AGAP3: variants seen among roughly 807,000 people sequenced by gnomAD.
The protein encoded by AGAP3 is ArfGAP with GTPase domain, ankyrin repeat and PH domain 3.
A neutral mutation model predicts 96.9 loss-of-function variants in AGAP3; 24 were observed. The ratio of observed to expected loss-of-function variants is 0.25; its 90% CI spans 0.18 to 0.35. The LOEUF (loss-of-function observed/expected upper bound fraction) is 0.35, where lower values mean the gene tolerates loss of function less well. AGAP3 is among the 10% of genes least tolerant of loss of function. AGAP3 has a pLI of 1.00. For missense variants in AGAP3, 876 were observed against 1,254.2 expected (o/e 0.70, Z 4.55); for synonymous variants, 563 against 536.1 (o/e 1.05, Z -0.69).
At chr7:151,116,935 G>C in intron 2 of AGAP3, 84 bp downstream of exon 2, 1 of 1,575,440 alleles carries the variant, frequency 6.3e-7, no homozygotes, top group Non-Finnish European at 8.7e-7. Flanking sequence ...TTGCTTCTCC[G>C]GCTTCTGTCC....
At chr7:151,094,592 T>C (rs4725988) in intron 1 of AGAP3, among the ~76,000 whole-genome samples, 125,899 of 152,260 alleles carry the variant, frequency 0.83, 52,707 homozygotes, top group East Asian at 0.98. Flanking sequence ...TAGTGAGAGT[T>C]GATATTAAAA....
intron 5 of AGAP3, 88 bp downstream of exon 5, chr7:151,117,865 C>A (rs1177265009): frequency 4.8e-6 from 7 of 1,464,740 alleles, no homozygotes; most frequent in Non-Finnish European, 6.3e-6. Context: ...TGTGAGAAAG[C>A]CCCCAAGCCC....
chr7:151,102,633 C>G (rs554503002), intron 1 of AGAP3, among the ~76,000 whole-genome samples: 1 of 150,146 alleles, frequency 6.7e-6, no homozygotes, highest in Non-Finnish European at 1.5e-5. Flanking sequence ...TTTTTTGAGA[C>G]AGGGTCTCGC....
chr7:151,120,177 G>A, intron 8 of AGAP3, 32 bp downstream of exon 8: 2 of 1,566,008 alleles, frequency 1.3e-6, no homozygotes, highest in Non-Finnish European at 1.7e-6. Flanking sequence ...CCGCCCAGCT[G>A]CCTTTGCTGC....
chr7:151,122,260 C>T (rs947294176), intron 8 of AGAP3, among the ~76,000 whole-genome samples: 9 of 152,228 alleles, frequency 5.9e-5, no homozygotes, highest in African/African-American at 2.2e-4. Flanking sequence ...GGGGCGGTGC[C>T]GCCTGTGGAG....
intron 1 of AGAP3, among the ~76,000 whole-genome samples, chr7:151,110,962 C>T (rs761528994): frequency 2.6e-5 from 4 of 152,164 alleles, no homozygotes; most frequent in Admixed American, 2.0e-4. Flanking sequence ...CGAGTTGTCT[C>T]GGGACAGCTG....
rs375459761 is a variant in AGAP3 at position 151,135,696 on chromosome 7, CA to C, written c.1495+1129del. On this transcript the variant is annotated intron_variant, in intron 11 of 17. Transcript: ENST00000397238. The stretch of plus-strand genomic sequence containing the variant: ...ACCAGCCCGAAGGCAGGGGAGTGGC[CA>C]GGGGGAGGGGCCTGACACAACTGAG... 4.3e-4 allele frequency among the ~76,000 whole-genome samples: 65 copies of C among 152,274 alleles called. 3 individuals carry two copies. In the East Asian group the frequency reaches 8.9e-3, roughly 21 times the overall value.
intron 1 of AGAP3, among the ~76,000 whole-genome samples, chr7:151,099,581 T>G (rs558968902): frequency 8.2e-4 from 125 of 152,334 alleles, no homozygotes; most frequent in African/African-American, 3.0e-3. Flanking sequence ...TGTTCCCACC[T>G]TGGGTCCTGT....
intron 1 of AGAP3, chr7:151,115,114 G>T: frequency 9.7e-7 from 1 of 1,034,460 alleles, no homozygotes; most frequent in Non-Finnish European, 1.2e-6. Context: ...AGCCGCACCC[G>T]CGGGGAGCCG....
rs778343360 is a variant in AGAP3, at chr7:151,142,666, A to G, written c.2273+32A>G. The stretch of plus-strand genomic sequence containing the variant: ...AGATGGTGCCCTGGAGCTGGCCAGG[A>G]ATGGGGGAAGCGTTGGGGGCTCCCA... On this transcript the variant is annotated intron_variant, in intron 16 of 17. Transcript: ENST00000397238. The surrounding 1 kb of genome is among the most constrained non-coding windows in gnomAD (Gnocchi z 7.5). 16 of 1,601,296 alleles carry G rather than the reference A, an allele frequency of 1.0e-5. No individual in the cohort carries two copies. The Middle Eastern group carries it at 2.6e-3, about 257-fold the overall frequency.
intron 11 of AGAP3, among the ~76,000 whole-genome samples, chr7:151,135,068 G>A (rs1800540855): frequency 1.3e-5 from 2 of 152,146 alleles, no homozygotes; most frequent in South Asian, 2.1e-4. Context: ...GTGAAGAGCT[G>A]TTGCGTTCTT....
Position 151,134,709 on chromosome 7 carries a change from CAT to C in AGAP3, c.1495+142_1495+143del, listed in dbSNP as rs912434712. 5 of 893,868 alleles carry C rather than the reference CAT, an allele frequency of 5.6e-6. 1 individual carries two copies. The highest frequency in any genetic ancestry group is 5.0e-5 in the South Asian group (3 of 59,622). The allele number at this position is 893,868 out of a possible 1,614,324, so 55.4% of individuals were successfully genotyped here. A position where few individuals can be genotyped will look rare whatever the true frequency, so the allele number is the denominator to read the frequency against. On this transcript the variant is annotated intron_variant, in intron 11 of 17. Transcript: ENST00000397238. ...ACTTCAAGGTCATCTCAGCCAAAGA[CAT>C]GTGCCCTAACGCAGCCCTCGTGGAG...
At chr7:151,117,005 C>T in intron 2 of AGAP3, 90 bp from the exon 3 acceptor site, 1 of 1,490,712 alleles carries the variant, frequency 6.7e-7, no homozygotes, top group Non-Finnish European at 9.3e-7. Flanking sequence ...CCTGGCCTTT[C>T]TCCCTCCTGC....
rs770238008 is a variant in AGAP3 at position 151,143,835 on chromosome 7, G to A, written c.2628G>A (p.Gln876=). Residue 876 remains glutamine (Q), a synonymous_variant, in exon 18 of 18, where the codon CAG becomes CAA. Transcript: ENST00000397238. The surrounding 1 kb of genome is among the most constrained non-coding windows in gnomAD (Gnocchi z 5.9). ...GSQECADILI[Q]HGCPGEGCGL... is the part of the protein sequence containing the mutation. ...AGGAGTGTGCAGACATCTTGATCCA[G>A]CATGGCTGCCCTGGGGAGGGCTGTG... The A allele has an allele frequency of 2.5e-6, 4 of 1,613,942 alleles. No individual in the cohort carries two copies. In the African/African-American group the frequency reaches 5.3e-5, roughly 22 times the overall value.
At chr7:151,124,098 T>C (rs1800052508) in intron 9 of AGAP3, among the ~76,000 whole-genome samples, 1 of 152,188 alleles carries the variant, frequency 6.6e-6, no homozygotes, top group African/African-American at 2.4e-5. Flanking sequence ...GCTCTGCCTG[T>C]ACCTTCTGAT....
intron 1 of AGAP3, among the ~76,000 whole-genome samples, chr7:151,105,778 C>A (rs1175734495): frequency 1.4e-4 from 7 of 51,468 alleles, no homozygotes; most frequent in African/African-American, 5.8e-4. Context: ...TCCATTCCGC[C>A]CCCCCCCCCG....
Position 151,120,026 on chromosome 7 carries a change from T to C in AGAP3, c.1009T>C (p.Ser337Pro). The change falls in exon 8 of 18, where the codon TCC (serine) becomes CCC (proline). Residue 337 changes from serine (S) to proline (P), a missense_variant. Ser to Pro is a moderately conservative substitution (Grantham distance 74). Coordinates refer to ENST00000397238, the MANE Select transcript of AGAP3 (RefSeq NM_031946.7). Reference protein sequence around the residue: ...GGGSAFSDYSSSVPSTPSISQ... With the variant: ...GGGSAFSDYSPSVPSTPSISQ... ...CGGCAGCGCCTTCAGCGACTACTCG[T>C]CCTCAGTCCCCTCCACCCCCAGCAT... is the stretch of plus-strand genomic sequence containing the variant. 1 of 1,613,924 alleles carries C rather than the reference T, an allele frequency of 6.2e-7. No individual in the cohort carries two copies. Among genetic ancestry groups the C allele is most frequent in the Non-Finnish European group, 8.5e-7 (1 of 1,179,928 alleles).
chr7:151,138,105 C>T, intron 11 of AGAP3, 38 bp from the exon 12 acceptor site: 1 of 1,489,446 alleles, frequency 6.7e-7, no homozygotes, highest in East Asian at 2.4e-5. Context: ...CCTCCCCTGC[C>T]CGGCCTCCCT....
chr7:151,105,970 G>C (rs1275080309), intron 1 of AGAP3, among the ~76,000 whole-genome samples: 2 of 151,178 alleles, frequency 1.3e-5, no homozygotes, highest in African/African-American at 2.4e-5. Context: ...TAAAATGACA[G>C]GAAAACACCA....
Sources: gnomAD v4.1 joint callset for allele counts (sites outside exome capture counted in the v4.1 genomes callset) on GRCh38, gnomAD v4.1.1 for gene constraint, Gnocchi (gnomAD v3.1) non-coding constraint, MANE v1.5 for transcripts, NCBI Gene and HGNC (gene_info 2026-07-23, HGNC 2026-07-21) for gene names.